The following CNTNAP2 variants were observed in gnomAD, a reference collection of about 807,000 sequenced individuals.
CNTNAP2 encodes the protein contactin associated protein 2, also known as contactin-associated protein-like 2.
CNTNAP2 carries 98 observed loss-of-function variants against 155.2 expected under a neutral mutation model. The ratio of observed to expected loss-of-function variants is 0.63; its 90% CI spans 0.54 to 0.75. The LOEUF (loss-of-function observed/expected upper bound fraction) is 0.75, where lower values mean the gene tolerates loss of function less well. Ranked by LOEUF, CNTNAP2 falls within the 30% of genes least tolerant of loss-of-function variation. The pLI is 0.00. For missense variants in CNTNAP2, 1,727 were observed against 1,688.1 expected (o/e 1.02, Z -0.40); for synonymous variants, 651 against 631.2 (o/e 1.03, Z -0.47).
intron 1 of CNTNAP2, among the ~76,000 whole-genome samples, chr7:146,578,917 C>T (rs1350279780): frequency 6.6e-6 from 1 of 152,006 alleles, no homozygotes; most frequent in Non-Finnish European, 1.5e-5. Flanking sequence ...TAGTATGCTT[C>T]CTATTATTTT....
chr7:148,409,458 G>A lies in CNTNAP2; in HGVS notation c.3783G>A (p.Ser1261=), dbSNP rs778395783. The change falls in exon 23 of 24, where the codon TCG becomes TCA. Residue 1261 remains serine (S), a synonymous_variant. Coordinates refer to ENST00000361727, the MANE Select transcript of CNTNAP2 (RefSeq NM_014141.6). ...TAAGAAATGGAGTCAACAGAAACTC[G>A]GCTATCATTGGAGGTAGGTGATGTC... The part of the protein sequence containing the change: ...QAIRNGVNRN[S]AIIGGVIAVV... 7.4e-6 allele frequency: 12 copies of A among 1,613,648 alleles called. No homozygotes were observed. The highest frequency in any genetic ancestry group is 5.3e-5 in the African/African-American group (4 of 74,866).
chr7:147,002,725 A>G (rs1361813354), intron 3 of CNTNAP2, among the ~76,000 whole-genome samples: 1 of 151,916 alleles, frequency 6.6e-6, no homozygotes. Flanking sequence ...TGGCTGATAG[A>G]TGGTGCCTTC....
At chr7:148,255,849 T>C (rs1406114759) in intron 20 of CNTNAP2, among the ~76,000 whole-genome samples, 1 of 152,154 alleles carries the variant, frequency 6.6e-6, no homozygotes, top group African/African-American at 2.4e-5. Context: ...GCCTTAAGCA[T>C]TTCTGGGAAA....
At chr7:146,854,958 T>C (rs1476732944) in intron 3 of CNTNAP2, among the ~76,000 whole-genome samples, 1 of 152,204 alleles carries the variant, frequency 6.6e-6, no homozygotes, top group African/African-American at 2.4e-5. Flanking sequence ...CATCTATGTA[T>C]AATTGATGCT....
At chr7:146,930,477 C>T (rs1437150483) in intron 3 of CNTNAP2, among the ~76,000 whole-genome samples, 1 of 152,146 alleles carries the variant, frequency 6.6e-6, no homozygotes, top group Non-Finnish European at 1.5e-5. Flanking sequence ...CCAGCCACTG[C>T]AAAATCATAC....
chr7:146,352,817 C>T (rs975432413), intron 1 of CNTNAP2, among the ~76,000 whole-genome samples: 32 of 125,654 alleles, frequency 2.5e-4, no homozygotes, highest in Middle Eastern at 6.3e-3. Flanking sequence ...TTCAGTGGTG[C>T]GATCTCGGCT....
Position 146,161,960 on chromosome 7 carries a change from T to C in CNTNAP2, c.97+44987T>C, listed in dbSNP as rs545218531. On this transcript the variant is annotated intron_variant, in intron 1 of 23. Coordinates refer to ENST00000361727, the MANE Select transcript of CNTNAP2 (RefSeq NM_014141.6). ...GTGCTGGGAAAACTGGCTAGCCATA[T>C]GTAGAAAGCTGAAACTGGATCCCTT... 5.3e-3 allele frequency among the ~76,000 whole-genome samples: 801 copies of C among 152,280 alleles called. 6 individuals carry two copies. Among genetic ancestry groups the C allele is most frequent in the African/African-American group, 0.018 (755 of 41,556 alleles).
intron 23 of CNTNAP2, among the ~76,000 whole-genome samples, chr7:148,413,269 G>A (rs1475081030): frequency 6.6e-6 from 1 of 150,408 alleles, no homozygotes; most frequent in Admixed American, 6.6e-5. Context: ...GTGGGCGCCT[G>A]TAAGCCCAGC....
At chr7:147,037,684 T>G (rs1563053235) in intron 3 of CNTNAP2, among the ~76,000 whole-genome samples, 1 of 152,036 alleles carries the variant, frequency 6.6e-6, no homozygotes, top group Non-Finnish European at 1.5e-5. Context: ...CTTCTCTGAG[T>G]CTGTTTCCTG....
At chr7:147,775,243 TTA>T (rs1239938537) in intron 13 of CNTNAP2, among the ~76,000 whole-genome samples, 3 of 111,184 alleles carry the variant, frequency 2.7e-5, no homozygotes, top group African/African-American at 1.0e-4. Flanking sequence ...ATATATATAT[TTA>T]TATATATATT....
chr7:146,908,939 A>G (rs1796209973), intron 3 of CNTNAP2, among the ~76,000 whole-genome samples: 1 of 148,976 alleles, frequency 6.7e-6, no homozygotes, highest in Non-Finnish European at 1.5e-5. Flanking sequence ...GAGAAGAATC[A>G]AATAGACACA....
chr7:146,151,676 A>G (rs71534715), intron 1 of CNTNAP2, among the ~76,000 whole-genome samples: 8,700 of 40,682 alleles, frequency 0.21, 896 homozygotes, highest in Non-Finnish European at 0.24. Context: ...ATATATATAT[A>G]TATATGTATA....
At chr7:146,302,494 G>A (rs1362772596) in intron 1 of CNTNAP2, among the ~76,000 whole-genome samples, 3 of 152,162 alleles carry the variant, frequency 2.0e-5, no homozygotes, top group African/African-American at 7.2e-5. Flanking sequence ...AATGCCTGAT[G>A]TATATTAACA....
intron 3 of CNTNAP2, among the ~76,000 whole-genome samples, chr7:146,908,726 A>G (rs902879490): frequency 7.2e-6 from 1 of 138,818 alleles, no homozygotes; most frequent in African/African-American, 2.7e-5. Context: ...ACACCCTAAC[A>G]TCACAGTTAA....
intron 13 of CNTNAP2, among the ~76,000 whole-genome samples, chr7:147,733,396 A>T (rs1199755522): frequency 6.6e-6 from 1 of 152,210 alleles, no homozygotes; most frequent in Non-Finnish European, 1.5e-5. Flanking sequence ...TTTTGGTACC[A>T]GTACCATGCT....
chr7:148,052,315 CTT>C (rs36052075), intron 15 of CNTNAP2, among the ~76,000 whole-genome samples: 16,136 of 145,294 alleles, frequency 0.11, 992 homozygotes, highest in East Asian at 0.27. Flanking sequence ...TTTTTAAAAA[CTT>C]TTAAAAACTA....
At chr7:148,104,128 A>G (rs766903812) in intron 15 of CNTNAP2, among the ~76,000 whole-genome samples, 1 of 152,088 alleles carries the variant, frequency 6.6e-6, no homozygotes, top group African/African-American at 2.4e-5. Context: ...TCTTTGCACT[A>G]TGGGTTATCT....
intron 1 of CNTNAP2, among the ~76,000 whole-genome samples, chr7:146,235,362 G>T (rs1435247447): frequency 6.6e-6 from 1 of 151,936 alleles, no homozygotes; most frequent in Non-Finnish European, 1.5e-5. Context: ...GACTCTCACG[G>T]TGGCTGTTTA....
At chr7:147,756,401 G>A (rs1038519546) in intron 13 of CNTNAP2, among the ~76,000 whole-genome samples, 3 of 152,162 alleles carry the variant, frequency 2.0e-5, no homozygotes, top group African/African-American at 4.8e-5. Context: ...TAACAGCAAT[G>A]TATCAATGAT....
Sources: gnomAD v4.1 joint callset for allele counts (sites outside exome capture counted in the v4.1 genomes callset) on GRCh38, gnomAD v4.1.1 for gene constraint, MANE v1.5 for transcripts, NCBI Gene and HGNC (gene_info 2026-07-23, HGNC 2026-07-21) for gene names.